CYRIA: variants seen among roughly 807,000 people sequenced by gnomAD.
The protein encoded by CYRIA is CYFIP related Rac1 interactor A.
A neutral mutation model predicts 43.9 loss-of-function variants in CYRIA; 15 were observed. The ratio of observed to expected loss-of-function variants is 0.34; its 90% CI spans 0.23 to 0.53. The LOEUF (loss-of-function observed/expected upper bound fraction) is 0.53, where lower values mean the gene tolerates loss of function less well. Ranked by LOEUF, CYRIA falls within the 20% of genes least tolerant of loss-of-function variation. The pLI, the probability that CYRIA is intolerant of heterozygous loss-of-function variation, is 0.94. For synonymous variants in CYRIA, 117 were observed against 136.0 expected (o/e 0.86, Z 0.97); for missense variants, 236 against 394.2 (o/e 0.60, Z 3.40).
chr2:16,586,151 G>A (rs892913221), intron 3 of CYRIA, among the ~76,000 whole-genome samples: 1 of 152,044 alleles, frequency 6.6e-6, no homozygotes, highest in South Asian at 2.1e-4. Context: ...AAACAAGCAC[G>A]TTAGTCTCCT....
At chr2:16,591,900 TCACA>T (rs1328742496) in intron 2 of CYRIA, among the ~76,000 whole-genome samples, 1 of 151,756 alleles carries the variant, frequency 6.6e-6, no homozygotes, top group African/African-American at 2.4e-5. Context: ...ATGCACACAC[TCACA>T]CACACACAAT....
rs538471088 is a variant in CYRIA, at chr2:16,599,953, A to T, written c.-10-11824T>A. ...TGTATTTTGAGTAGAGACGGGTTTC[A>T]CCATGTTGGCCAGGATAGTCTCGAA... On this transcript the variant is annotated intron_variant, in intron 2 of 11. Transcript: ENST00000381323. Among the ~76,000 whole-genome samples the T allele has an allele frequency of 9.9e-5, 15 of 152,182 alleles. No homozygotes were observed. The East Asian group carries it at 1.7e-3, about 18-fold the overall frequency.
intron 1 of CYRIA, among the ~76,000 whole-genome samples, chr2:16,646,042 C>T (rs1669812017): frequency 6.6e-6 from 1 of 152,208 alleles, no homozygotes; most frequent in Admixed American, 6.5e-5. Flanking sequence ...ACAGGCAATG[C>T]AGTATGACCA....
rs1171050112 is a variant in CYRIA at position 16,598,312 on chromosome 2, T to C, written c.-10-10183A>G. Among the ~76,000 whole-genome samples the C allele has an allele frequency of 2.4e-5, 2 of 82,112 alleles. 1 individual carries two copies. Among genetic ancestry groups the C allele is most frequent in the African/African-American group, 1.4e-4 (2 of 14,018 alleles). The allele number at this position is 82,112 out of a possible 152,430, so 53.9% of individuals were successfully genotyped here. The stretch of plus-strand genomic sequence containing the variant: ...AGATTGGGGAAGTTCTCCTGGATAA[T>C]ATCCTGCAGAGTGTTTTCCAACTTG... On this transcript the variant is annotated intron_variant, in intron 2 of 11. Transcript: ENST00000381323.
Position 16,552,674 on chromosome 2 carries a change from C to A in CYRIA, c.*262G>T. The stretch of plus-strand genomic sequence containing the variant: ...TATCGTTATAGATGTTGTTAAAGGA[C>A]TCCAGTAGCAAAGATCAAAGTCTCC... On this transcript the variant is annotated 3_prime_UTR_variant, in exon 12 of 12. Coordinates refer to ENST00000381323, the MANE Select transcript of CYRIA (RefSeq NM_030797.4). 1 of 418,228 alleles carries A rather than the reference C, an allele frequency of 2.4e-6. No individual in the cohort carries two copies. The highest frequency in any genetic ancestry group is 4.3e-6 in the Non-Finnish European group (1 of 234,260). The allele number at this position is 418,228 out of a possible 1,614,324, so 25.9% of individuals were successfully genotyped here.
intron 4 of CYRIA, among the ~76,000 whole-genome samples, chr2:16,564,427 A>G (rs1419050092): frequency 6.6e-6 from 1 of 152,212 alleles, no homozygotes; most frequent in East Asian, 1.9e-4. Context: ...TGCTCATTAT[A>G]AAGTGCAAAT....
At chr2:16,576,145 G>T (rs1323071153) in intron 3 of CYRIA, among the ~76,000 whole-genome samples, 1 of 152,284 alleles carries the variant, frequency 6.6e-6, no homozygotes, top group South Asian at 2.1e-4. Context: ...ACACTTTTGG[G>T]AGATATGGAT....
At chr2:16,563,070 C>A (rs542018557) in intron 5 of CYRIA, among the ~76,000 whole-genome samples, 21 of 152,160 alleles carry the variant, frequency 1.4e-4, no homozygotes, top group Non-Finnish European at 2.8e-4. Context: ...AGAACACACT[C>A]TCTTTTGAGG....
chr2:16,635,014 C>T (rs1481380230), intron 1 of CYRIA, among the ~76,000 whole-genome samples: 6 of 152,206 alleles, frequency 3.9e-5, no homozygotes, highest in African/African-American at 7.2e-5. Context: ...AAAGCTCTAC[C>T]GCCAACTCAC....
chr2:16,599,721 C>A (rs1317698959), intron 2 of CYRIA, among the ~76,000 whole-genome samples: 3 of 151,738 alleles, frequency 2.0e-5, no homozygotes, highest in African/African-American at 7.3e-5. Context: ...AGCTGTAGAC[C>A]GGAGCTGTTC....
intron 1 of CYRIA, among the ~76,000 whole-genome samples, chr2:16,655,420 G>A (rs918420298): frequency 1.3e-5 from 2 of 152,220 alleles, no homozygotes; most frequent in East Asian, 1.9e-4. Context: ...CAGTGGCAGA[G>A]CTAGGCTTAT....
chr2:16,637,528 A>T (rs1357127605), intron 1 of CYRIA, among the ~76,000 whole-genome samples: 1 of 152,228 alleles, frequency 6.6e-6, no homozygotes, highest in Non-Finnish European at 1.5e-5. Flanking sequence ...CTTGGACTTC[A>T]CAGCCTCCAG....
At chr2:16,569,926 G>A (rs1317635101) in intron 3 of CYRIA, among the ~76,000 whole-genome samples, 1 of 152,066 alleles carries the variant, frequency 6.6e-6, no homozygotes, top group East Asian at 1.9e-4. Flanking sequence ...ACAAACAGTT[G>A]AACAATTTAA....
intron 2 of CYRIA, among the ~76,000 whole-genome samples, chr2:16,598,679 G>A: frequency 1.1e-5 from 1 of 92,798 alleles, no homozygotes; most frequent in African/African-American, 8.4e-5. Context: ...TGGTTTGAAT[G>A]TCCTCCCGTA....
chr2:16,629,709 T>C (rs1669271384), intron 1 of CYRIA, among the ~76,000 whole-genome samples: 2 of 152,182 alleles, frequency 1.3e-5, no homozygotes, highest in East Asian at 3.9e-4. Context: ...ACCTGTTTTG[T>C]GTAGGGGCTT....
At chr2:16,573,459 T>C (rs1667213513) in intron 3 of CYRIA, among the ~76,000 whole-genome samples, 1 of 152,172 alleles carries the variant, frequency 6.6e-6, no homozygotes, top group Non-Finnish European at 1.5e-5. Flanking sequence ...GAGAGAAAGA[T>C]AAAATCCAGA....
At chr2:16,641,326 C>A (rs575580451) in intron 1 of CYRIA, among the ~76,000 whole-genome samples, 10 of 152,178 alleles carry the variant, frequency 6.6e-5, no homozygotes, top group Non-Finnish European at 1.5e-4. Flanking sequence ...CCGTATGCCA[C>A]GCCTTCAGCC....
chr2:16,590,239 T>G (rs1232182067), intron 2 of CYRIA, among the ~76,000 whole-genome samples: 3 of 152,132 alleles, frequency 2.0e-5, no homozygotes, highest in Non-Finnish European at 4.4e-5. Flanking sequence ...TTCTGCCAAA[T>G]TAAAGGTTGG....
intron 2 of CYRIA, among the ~76,000 whole-genome samples, chr2:16,605,378 G>T (rs78447908): frequency 6.6e-6 from 1 of 152,212 alleles, no homozygotes; most frequent in African/African-American, 2.4e-5. Flanking sequence ...CAATCAAACT[G>T]GGCTCAGCTC....
Sources: gnomAD v4.1 joint callset for allele counts (sites outside exome capture counted in the v4.1 genomes callset) on GRCh38, gnomAD v4.1.1 for gene constraint, MANE v1.5 for transcripts, NCBI Gene and HGNC (gene_info 2026-07-23, HGNC 2026-07-21) for gene names.